NR5A2: variants seen among roughly 807,000 people sequenced by gnomAD.
The protein encoded by NR5A2 is CYP7A promoter-binding factor.
NR5A2 carries 26 observed loss-of-function variants against 62.7 expected under a neutral mutation model. The ratio of observed to expected loss-of-function variants is 0.41; its 90% CI spans 0.30 to 0.58. The LOEUF is 0.58. NR5A2 is among the 20% of genes least tolerant of loss of function. NR5A2 has a pLI of 0.22. For synonymous variants in NR5A2, 246 were observed against 241.7 expected (o/e 1.02, Z -0.16); for missense variants, 541 against 669.1 (o/e 0.81, Z 2.11).
chr1:200,097,857 T>C (rs1033561402), intron 5 of NR5A2, among the ~76,000 whole-genome samples: 1 of 152,148 alleles, frequency 6.6e-6, no homozygotes, highest in East Asian at 1.9e-4. Context: ...AATATGAAAG[T>C]AGAGGTAATA....
At chr1:200,065,703 C>T (rs769983812) in intron 5 of NR5A2, among the ~76,000 whole-genome samples, 15 of 152,186 alleles carry the variant, frequency 9.9e-5, no homozygotes, top group South Asian at 4.1e-4. Flanking sequence ...AAGCCCTGTT[C>T]TAGAAGTGGG....
chr1:200,170,161 T>A (rs2102394964), intron 7 of NR5A2, among the ~76,000 whole-genome samples: 1 of 152,316 alleles, frequency 6.6e-6, no homozygotes, highest in East Asian at 1.9e-4. Context: ...AGACTCCTGC[T>A]ATAGATGAGT....
At position 200,147,629 on chromosome 1, in the gene NR5A2, T is replaced by G; in HGVS notation, c.1379-26334T>G. The G allele has an allele frequency of 1.4e-6, 1 of 712,516 alleles. No individual in the cohort carries two copies. The highest frequency in any genetic ancestry group is 1.8e-5 in the African/African-American group (1 of 56,814). 44.1% of individuals were successfully genotyped at this position (712,516 alleles called of 1,614,324 possible). On this transcript the variant is annotated intron_variant, in intron 7 of 7. Coordinates refer to ENST00000367362, the MANE Select transcript of NR5A2 (RefSeq NM_205860.3). The surrounding 1 kb of genome is among the most constrained non-coding windows in gnomAD (Gnocchi z 4.9). ...TTTTCGCACAGGCAGCGCCGCAGCT[T>G]GCCCTGGATCTTGTCGATTGAGTTG...
Position 200,048,258 on chromosome 1 carries a change from G to A in NR5A2, c.550G>A (p.Ala184Thr). 1 of 1,613,802 alleles carries A rather than the reference G, an allele frequency of 6.2e-7. No homozygotes were observed. Among genetic ancestry groups the A allele is most frequent in the Non-Finnish European group, 8.5e-7 (1 of 1,179,974 alleles). The change falls in exon 5 of 8, where the codon GCC (alanine) becomes ACC (threonine). Residue 184 changes from alanine to threonine, a missense_variant. Coordinates refer to ENST00000367362, the MANE Select transcript of NR5A2 (RefSeq NM_205860.3). The surrounding 1 kb of genome is among the most constrained non-coding windows in gnomAD (Gnocchi z 4.8). ...RDRALKQQKKALIRANGLKLE... is the reference protein window; with the variant it reads ...RDRALKQQKKTLIRANGLKLE... ...CAGGGCCCTGAAGCAACAGAAAAAAGCCCTCATCCGAGCCAATGGACTTAA... is the reference window on the plus strand; with the variant it reads ...CAGGGCCCTGAAGCAACAGAAAAAAACCCTCATCCGAGCCAATGGACTTAA...
chr1:200,143,427 T>A (rs1424821283), intron 7 of NR5A2, among the ~76,000 whole-genome samples: 1 of 151,908 alleles, frequency 6.6e-6, no homozygotes, highest in Non-Finnish European at 1.5e-5. Context: ...TAGTTTTGTT[T>A]TTTTTTTCCC....
At chr1:200,073,859 C>G (rs1015375340) in intron 5 of NR5A2, among the ~76,000 whole-genome samples, 1 of 152,156 alleles carries the variant, frequency 6.6e-6, no homozygotes, top group Non-Finnish European at 1.5e-5. Flanking sequence ...TTACTAGCCT[C>G]GCACTGCTGG....
At position 200,147,749 on chromosome 1, in the gene NR5A2, C is replaced by T; in HGVS notation, c.1379-26214C>T. On this transcript the variant is annotated intron_variant, in intron 7 of 7. Transcript: ENST00000367362. The surrounding 1 kb of genome is among the most constrained non-coding windows in gnomAD (Gnocchi z 4.9). ...GCCTCTCCCACGTCCACGGTGAAGA[C>T]GCGGATGCCGGCGCGAATGCCGGCA... The T allele has an allele frequency of 3.7e-6, 2 of 544,846 alleles. No individual in the cohort carries two copies. The highest frequency in any genetic ancestry group is 3.7e-5 in the South Asian group (2 of 53,794). The allele number at this position is 544,846 out of a possible 1,614,324, so 33.8% of individuals were successfully genotyped here.
intron 5 of NR5A2, among the ~76,000 whole-genome samples, chr1:200,089,993 C>CATGGGGACTATTTGAA (rs576018359): frequency 3.5e-4 from 53 of 152,234 alleles, no homozygotes; most frequent in Admixed American, 1.5e-3. Flanking sequence ...ACGTATTTGA[C>CATGGGGACTATTTGAA]ATGGGGACTA....
At chr1:200,070,366 A>T (rs1663683515) in intron 5 of NR5A2, among the ~76,000 whole-genome samples, 1 of 152,070 alleles carries the variant, frequency 6.6e-6, no homozygotes, top group South Asian at 2.1e-4. Context: ...TTATTTTTAA[A>T]TCATCTACAA....
intron 6 of NR5A2, among the ~76,000 whole-genome samples, chr1:200,117,704 T>C (rs1666288336): frequency 1.3e-5 from 2 of 151,864 alleles, no homozygotes; most frequent in South Asian, 4.2e-4. Context: ...CCTTAACTAG[T>C]GATTTTTTTT....
intron 1 of NR5A2, chr1:200,029,127 C>T (rs947452225): frequency 4.5e-6 from 2 of 440,122 alleles, no homozygotes; most frequent in Non-Finnish European, 9.1e-6. Context: ...GGTGCGCAGG[C>T]AAGGAGTCCT....
chr1:200,095,701 C>T (rs567975170), intron 5 of NR5A2, among the ~76,000 whole-genome samples: 1,527 of 141,184 alleles, frequency 0.011, 17 homozygotes, highest in Non-Finnish European at 0.018. Context: ...TACAGGCACC[C>T]GCCACCATGC....
intron 5 of NR5A2, among the ~76,000 whole-genome samples, chr1:200,062,758 C>A (rs1373017602): frequency 6.6e-6 from 1 of 152,228 alleles, no homozygotes; most frequent in African/African-American, 2.4e-5. Flanking sequence ...TCTTACAGAG[C>A]AAATGAAAGA....
At chr1:200,166,332 G>T (rs1210481422) in intron 7 of NR5A2, among the ~76,000 whole-genome samples, 1 of 152,134 alleles carries the variant, frequency 6.6e-6, no homozygotes, top group African/African-American at 2.4e-5. Flanking sequence ...TCCCCACAAA[G>T]GTGCCCCATA....
In NR5A2 at chr1:200,176,803, A is replaced by G. The variant is rs1038142410; in HGVS notation, c.*2593A>G. On this transcript the variant is annotated 3_prime_UTR_variant, in exon 8 of 8. Transcript: ENST00000367362. ...GGGGTGCATGCCAGCATACCTGGCTACGTTGACTCTTAAAATCTATGTTCT... is the reference window on the plus strand; with the variant it reads ...GGGGTGCATGCCAGCATACCTGGCTGCGTTGACTCTTAAAATCTATGTTCT... 6.6e-6 allele frequency: 1 copy of G among 152,194 alleles called. No individual in the cohort carries two copies. Among genetic ancestry groups the G allele is most frequent in the African/African-American group, 2.4e-5 (1 of 41,440 alleles). The allele number at this position is 152,194 out of a possible 1,614,324, so 9.4% of individuals were successfully genotyped here.
intron 5 of NR5A2, among the ~76,000 whole-genome samples, chr1:200,087,278 A>G (rs1664598031): frequency 6.6e-6 from 1 of 151,350 alleles, no homozygotes; most frequent in Non-Finnish European, 1.5e-5. Context: ...CCTTCCTCTT[A>G]AAGCTTATTC....
In NR5A2 at chr1:200,177,243, C is replaced by T. The variant is rs1393259783; in HGVS notation, c.*3033C>T. The T allele has an allele frequency of 2.0e-5, 3 of 152,626 alleles. No homozygotes were observed. The highest frequency in any genetic ancestry group is 7.2e-5 in the African/African-American group (3 of 41,444). The allele number at this position is 152,626 out of a possible 1,614,324, so 9.5% of individuals were successfully genotyped here. ...ATTTGTATCACAGATCTGCAGCTGCCTTGGACTTGAATCCATGCAATGTTT... is the reference window on the plus strand; with the variant it reads ...ATTTGTATCACAGATCTGCAGCTGCTTTGGACTTGAATCCATGCAATGTTT... On this transcript the variant is annotated 3_prime_UTR_variant, in exon 8 of 8. Transcript: ENST00000367362.
At position 200,089,202 on chromosome 1, in the gene NR5A2, G is replaced by A. The variant is rs548000380; in HGVS notation, c.1111-22000G>A. 1.2e-4 allele frequency among the ~76,000 whole-genome samples: 19 copies of A among 152,138 alleles called. 1 individual carries two copies. In the South Asian group the frequency reaches 3.7e-3, roughly 30 times the overall value. ...GCCTCATTTAGTTCTGCAACTTTGG[G>A]TTTTGTTTTGTTTTGTTTGTTTTGT... On this transcript the variant is annotated intron_variant, in intron 5 of 7. Coordinates refer to ENST00000367362, the MANE Select transcript of NR5A2 (RefSeq NM_205860.3).
chr1:200,100,145 A>G (rs1665297460), intron 5 of NR5A2, among the ~76,000 whole-genome samples: 1 of 152,220 alleles, frequency 6.6e-6, no homozygotes, highest in South Asian at 2.1e-4. Flanking sequence ...AGATTTCTAA[A>G]CTGGAGAACA....
Sources: allele counts gnomAD v4.1 joint callset (sites outside exome capture counted in the v4.1 genomes callset), GRCh38; gene constraint gnomAD v4.1.1; non-coding constraint Gnocchi (gnomAD v3.1); transcripts MANE v1.5; gene names NCBI Gene and HGNC (gene_info 2026-07-23, HGNC 2026-07-21).